DIAPH1: variants seen among roughly 807,000 people sequenced by gnomAD.
DIAPH1 encodes the protein diaphanous related formin 1.
A neutral mutation model predicts 140.7 loss-of-function variants in DIAPH1; 46 were observed. The ratio of observed to expected loss-of-function variants is 0.33; its 90% CI spans 0.26 to 0.42. The LOEUF (loss-of-function observed/expected upper bound fraction) is 0.42. Among genes scored for constraint, DIAPH1 ranks in the 10% least tolerant of loss-of-function variants. The probability of loss-of-function intolerance (pLI) is 1.00; values close to 1 mark genes in which losing one functional copy is unlikely to be tolerated. For missense variants in DIAPH1, 1,310 were observed against 1,558.7 expected, an observed-to-expected ratio of 0.84 and a Z score of 2.69; for synonymous variants, 565 against 551.6, an observed-to-expected ratio of 1.02 and a Z score of -0.34.
At chr5:141,554,376 C>T (rs2154595715) in intron 18 of DIAPH1, among the ~76,000 whole-genome samples, 1 of 152,200 alleles carries the variant, frequency 6.6e-6, no homozygotes, top group South Asian at 2.1e-4. Flanking sequence ...CACATCAAAA[C>T]TTATCCAATA....
At chr5:141,581,240 C>T (rs1448178439) in intron 7 of DIAPH1, among the ~76,000 whole-genome samples, 1 of 152,152 alleles carries the variant, frequency 6.6e-6, no homozygotes, top group Non-Finnish European at 1.5e-5. Flanking sequence ...GGATTGCCAA[C>T]AAGCTACCAG....
At position 141,583,231 on chromosome 5, in the gene DIAPH1, G is replaced by A. The variant is rs1220646059; in HGVS notation, c.595C>T (p.His199Tyr). 6.2e-7 allele frequency: 1 copy of A among 1,614,070 alleles called. No homozygotes were observed. Among genetic ancestry groups the A allele is most frequent in the Non-Finnish European group, 8.5e-7 (1 of 1,180,022 alleles). Reference protein sequence around the residue: ...ASLLDILKRLHDEKEETAGSY... With the variant: ...ASLLDILKRLYDEKEETAGSY... ...CCAGCAGTCTCTTCTTTCTCATCATGAAGTCGTTTAAGAATGTCCAATAAG... is the reference window on the plus strand; with the variant it reads ...CCAGCAGTCTCTTCTTTCTCATCATAAAGTCGTTTAAGAATGTCCAATAAG... The change falls in exon 6 of 28, where the codon CAT becomes TAT. Residue 199 changes from histidine (H) to tyrosine (Y), a missense_variant. By Grantham distance (83) the His-to-Tyr change is moderately conservative (BLOSUM62 2). Around this residue, in one of 3 missense-constraint regions of DIAPH1, gnomAD observed 377 missense variants for 497.1 expected, o/e 0.76. Coordinates refer to ENST00000389054, the MANE Select transcript of DIAPH1 (RefSeq NM_005219.5).
intron 18 of DIAPH1, among the ~76,000 whole-genome samples, chr5:141,540,117 G>GC (rs1554202865): frequency 6.6e-6 from 1 of 151,152 alleles, no homozygotes; most frequent in Non-Finnish European, 1.5e-5. Context: ...GCATAAGGTT[G>GC]TTTTTTTTCT....
At chr5:141,556,938 GC>G (rs1297383110) in intron 18 of DIAPH1, among the ~76,000 whole-genome samples, 1 of 152,138 alleles carries the variant, frequency 6.6e-6, no homozygotes, top group African/African-American at 2.4e-5. Flanking sequence ...CACGTGATCC[GC>G]CCGCCTCGGC....
intron 18 of DIAPH1, among the ~76,000 whole-genome samples, chr5:141,566,023 C>G (rs1180512582): frequency 6.6e-6 from 1 of 152,008 alleles, no homozygotes. Context: ...AGAACAAAAC[C>G]CAAGCGAATG....
Position 141,527,713 on chromosome 5 carries a change from A to AAAAAAAAAAC in DIAPH1, c.3149-26_3149-17dup. ...TCAGCAGAAACTAAAAAAAAAAAAAAAAAAAAAAACCATAAAAACAGACAG... is the reference window on the plus strand; with the variant it reads ...TCAGCAGAAACTAAAAAAAAAAAAAAAAAAAAAAACAAAAAAAAACCATAAAAACAGACAG... On this transcript the variant is annotated splice_polypyrimidine_tract_variant and intron_variant, in intron 23 of 27. Transcript: ENST00000389054. 1 of 1,567,414 alleles carries AAAAAAAAAAC rather than the reference A, an allele frequency of 6.4e-7. No homozygotes were observed. Among genetic ancestry groups the AAAAAAAAAAC allele is most frequent in the East Asian group, 2.3e-5 (1 of 44,294 alleles).
At chr5:141,577,008 C>T in intron 12 of DIAPH1, 137 bp from the exon 13 acceptor site, 1 of 677,024 alleles carries the variant, frequency 1.5e-6, no homozygotes. Context: ...ACAAGTATTG[C>T]TGCCATGCTA....
intron 18 of DIAPH1, chr5:141,563,269 A>C (rs1334079224): frequency 1.3e-5 from 2 of 152,222 alleles, no homozygotes; most frequent in Non-Finnish European, 2.9e-5. Context: ...AGTGCCTCTG[A>C]AACAGTGACT....
At chr5:141,593,148 C>T (rs971688704) in intron 1 of DIAPH1, among the ~76,000 whole-genome samples, 4 of 152,088 alleles carry the variant, frequency 2.6e-5, no homozygotes, top group African/African-American at 9.7e-5. Flanking sequence ...CCTCAAAAGG[C>T]TTAGGAATAA....
At chr5:141,543,812 C>T (rs1475295621) in intron 18 of DIAPH1, among the ~76,000 whole-genome samples, 1 of 151,922 alleles carries the variant, frequency 6.6e-6, no homozygotes, top group African/African-American at 2.4e-5. Flanking sequence ...GGATTGTATA[C>T]TTTAAAGATG....
chr5:141,523,871 A>G (rs1297498819), intron 27 of DIAPH1, among the ~76,000 whole-genome samples: 1 of 151,816 alleles, frequency 6.6e-6, no homozygotes, highest in African/African-American at 2.4e-5. Context: ...TGGGTCCTGC[A>G]GCTCAGTTCC....
intron 27 of DIAPH1, among the ~76,000 whole-genome samples, chr5:141,517,371 T>G (rs867082278): frequency 9.9e-5 from 15 of 152,190 alleles, no homozygotes; most frequent in African/African-American, 3.6e-4. Context: ...TGGAATTAAA[T>G]AGACTAAAGT....
At chr5:141,519,121 A>G (rs1213542811) in intron 27 of DIAPH1, 5 of 883,298 alleles carry the variant, frequency 5.7e-6, no homozygotes, top group Admixed American at 2.0e-5. Context: ...GATTATGAAC[A>G]TAAACTAATG....
chr5:141,571,513 T>C (rs923931704), intron 17 of DIAPH1, 77 bp from the exon 18 acceptor site: 25 of 1,296,338 alleles, frequency 1.9e-5, no homozygotes, highest in Non-Finnish European at 2.4e-5. Flanking sequence ...GAATCACATA[T>C]GGTTCTTGTT....
intron 1 of DIAPH1, among the ~76,000 whole-genome samples, chr5:141,609,574 A>G (rs2099901498): frequency 1.3e-5 from 2 of 152,228 alleles, no homozygotes; most frequent in Admixed American, 6.5e-5. Context: ...TATAAGGTCA[A>G]TGTAGAGATT....
At chr5:141,594,798 T>C (rs570182276) in intron 1 of DIAPH1, among the ~76,000 whole-genome samples, 11 of 151,366 alleles carry the variant, frequency 7.3e-5, no homozygotes, top group Admixed American at 2.0e-4. Flanking sequence ...CCCAGCACTT[T>C]GGGAGGCTGA....
At chr5:141,555,919 C>T (rs2099892498) in intron 18 of DIAPH1, among the ~76,000 whole-genome samples, 1 of 152,160 alleles carries the variant, frequency 6.6e-6, no homozygotes, top group Non-Finnish European at 1.5e-5. Flanking sequence ...CTAGTCTCCA[C>T]AGACCAGACT....
At chr5:141,600,449 T>C (rs1209344415) in intron 1 of DIAPH1, among the ~76,000 whole-genome samples, 1 of 152,204 alleles carries the variant, frequency 6.6e-6, no homozygotes, top group African/African-American at 2.4e-5. Flanking sequence ...GCTAGTAAGT[T>C]TGGGGTGATG....
chr5:141,516,729 C>A lies in DIAPH1; in HGVS notation c.*122G>T. The A allele has an allele frequency of 9.5e-7, 1 of 1,048,486 alleles. No homozygotes were observed. The highest frequency in any genetic ancestry group is 1.4e-6 in the Non-Finnish European group (1 of 693,566). The allele number at this position is 1,048,486 out of a possible 1,614,324, so 64.9% of individuals were successfully genotyped here. A position where few individuals can be genotyped will look rare whatever the true frequency, so the allele number is the denominator to read the frequency against. On this transcript the variant is annotated 3_prime_UTR_variant, in exon 28 of 28. Coordinates refer to ENST00000389054, the MANE Select transcript of DIAPH1 (RefSeq NM_005219.5). ...GAGAGCAGCAGGCCAGAGAGAAAGA[C>A]AGGGTCAGGGTGGTGGGAGTGGCCA...
Sources: allele counts gnomAD v4.1 joint callset (sites outside exome capture counted in the v4.1 genomes callset), GRCh38; gene constraint gnomAD v4.1.1; regional missense constraint gnomAD v4.1.1; transcripts MANE v1.5; gene names NCBI Gene and HGNC (gene_info 2026-07-23, HGNC 2026-07-21).